The following TAFA5 variants were observed in gnomAD, a reference collection of about 807,000 sequenced individuals.
TAFA5 encodes TAFA chemokine like family member 5, also known as chemokine-like protein TAFA-5.
In TAFA5, 6 loss-of-function variants were observed where a neutral mutation model predicts 15.3. The observed-to-expected ratio is 0.39, with a 90% CI of 0.21 to 0.77. The LOEUF is 0.77. Among genes scored for constraint, TAFA5 ranks in the 30% least tolerant of loss-of-function variants. The probability of loss-of-function intolerance (pLI) is 0.41; values close to 1 mark genes in which losing one functional copy is unlikely to be tolerated. For missense variants in TAFA5, 161 were observed against 193.1 expected (o/e 0.83, Z 0.98); for synonymous variants, 103 against 80.7 (o/e 1.28, Z -1.48).
intron 1 of TAFA5, among the ~76,000 whole-genome samples, chr22:48,584,740 G>A (rs138904962): frequency 0.26 from 35,026 of 136,106 alleles, 4,052 homozygotes; most frequent in East Asian, 0.35. Context: ...CCATATACAC[G>A]CACCCTCCAC....
Position 48,623,098 on chromosome 22 carries a change from G to A in TAFA5, c.113-23499G>A, listed in dbSNP as rs532252314. On this transcript the variant is annotated intron_variant, in intron 1 of 3. Transcript: ENST00000402357. The stretch of plus-strand genomic sequence containing the variant: ...GCAGCAATGTGTTCTGTGGGCTGCA[G>A]GGGGTGGCGGCGGTGAGCACAAACT... Among the ~76,000 whole-genome samples, 6 of 152,390 alleles carry A rather than the reference G, an allele frequency of 3.9e-5. No individual in the cohort carries two copies. In the East Asian group the frequency reaches 9.7e-4, roughly 25 times the overall value.
chr22:48,648,779 G>T (rs1293563651), intron 2 of TAFA5, among the ~76,000 whole-genome samples: 1 of 152,132 alleles, frequency 6.6e-6, no homozygotes, highest in African/African-American at 2.4e-5. Context: ...AGTGAGCCGA[G>T]ATCACGCCAC....
At position 48,494,785 on chromosome 22, in the gene TAFA5, G is replaced by T. The variant is rs58674251; in HGVS notation, c.112+5081G>T. ...CGGCAGCAGCACAAGCTGCCTCGGT[G>T]CTGGGCTTTCCAGAAGCGGGCCTGG... On this transcript the variant is annotated intron_variant, in intron 1 of 3. Transcript: ENST00000402357. Among the ~76,000 whole-genome samples, 827 of 152,358 alleles carry T rather than the reference G, an allele frequency of 5.4e-3. 7 individuals are homozygous for T. The highest frequency in any genetic ancestry group is 0.019 in the African/African-American group (798 of 41,578).
chr22:48,687,352 TGATG>T (rs1388921845), intron 2 of TAFA5, among the ~76,000 whole-genome samples: 17 of 148,472 alleles, frequency 1.1e-4, no homozygotes, highest in Admixed American at 1.1e-3. Flanking sequence ...GATTAGTGGG[TGATG>T]GATGGATGGT....
chr22:48,502,242 G>C (rs898644462), intron 1 of TAFA5, among the ~76,000 whole-genome samples: 3 of 152,172 alleles, frequency 2.0e-5, no homozygotes, highest in Admixed American at 6.5e-5. Context: ...TTGGAGCTTT[G>C]TTGAGGCCGA....
intron 2 of TAFA5, among the ~76,000 whole-genome samples, chr22:48,669,953 T>C (rs5771927): frequency 0.46 from 68,326 of 148,894 alleles, 16,311 homozygotes; most frequent in East Asian, 0.62. Flanking sequence ...AATTGAAAAT[T>C]AAACAAACTG....
intron 2 of TAFA5, among the ~76,000 whole-genome samples, chr22:48,685,955 C>T (rs548441869): frequency 4.0e-4 from 53 of 133,512 alleles, no homozygotes; most frequent in African/African-American, 1.4e-3. Flanking sequence ...GCCCCACGTG[C>T]GCCCCGGGAG....
chr22:48,496,390 C>G (rs1017527009), intron 1 of TAFA5, among the ~76,000 whole-genome samples: 1 of 151,916 alleles, frequency 6.6e-6, no homozygotes, highest in Non-Finnish European at 1.5e-5. Flanking sequence ...TGGACAGATG[C>G]TTTTGGTCAC....
intron 1 of TAFA5, among the ~76,000 whole-genome samples, chr22:48,513,619 G>A (rs1257431905): frequency 1.3e-5 from 2 of 152,248 alleles, no homozygotes; most frequent in Non-Finnish European, 2.9e-5. Context: ...AAGAGAAGCT[G>A]AGCACCTGGG....
chr22:48,593,016 CG>C (rs1221047943), intron 1 of TAFA5, among the ~76,000 whole-genome samples: 2 of 151,516 alleles, frequency 1.3e-5, no homozygotes, highest in Admixed American at 6.6e-5. Flanking sequence ...CTGAGTGGGG[CG>C]GGGGGGTCTG....
At chr22:48,669,655 C>T (rs1300309336) in intron 2 of TAFA5, among the ~76,000 whole-genome samples, 1 of 152,244 alleles carries the variant, frequency 6.6e-6, no homozygotes, top group Non-Finnish European at 1.5e-5. Flanking sequence ...CATAGCCTTT[C>T]CTCCCTGAGC....
chr22:48,602,586 C>T (rs552003928), intron 1 of TAFA5, among the ~76,000 whole-genome samples: 16 of 152,292 alleles, frequency 1.1e-4, no homozygotes, highest in Non-Finnish European at 2.1e-4. Flanking sequence ...GTGGACTCCC[C>T]GTTTTCTGCG....
At chr22:48,710,818 G>T (rs542719330) in intron 3 of TAFA5, among the ~76,000 whole-genome samples, 2 of 152,218 alleles carry the variant, frequency 1.3e-5, no homozygotes, top group South Asian at 4.1e-4. Flanking sequence ...GATGGCTGCA[G>T]ACTCCCTTTC....
chr22:48,740,038 G>T (rs937150043), intron 3 of TAFA5, among the ~76,000 whole-genome samples: 5 of 152,152 alleles, frequency 3.3e-5, no homozygotes, highest in Non-Finnish European at 7.4e-5. Context: ...AACCCACCAA[G>T]TGCCCATCCT....
At position 48,489,557 on chromosome 22, in the gene TAFA5, C is replaced by G. The variant is rs1184292007; in HGVS notation, c.-36C>G. The G allele has an allele frequency of 7.9e-7, 1 of 1,263,166 alleles. No homozygotes were observed. Among genetic ancestry groups the G allele is most frequent in the Non-Finnish European group, 1.0e-6 (1 of 963,178 alleles). 78.2% of individuals were successfully genotyped at this position (1,263,166 alleles called of 1,614,324 possible). On this transcript the variant is annotated 5_prime_UTR_variant, in exon 1 of 4. Transcript: ENST00000402357. The surrounding 1 kb of genome is among the most constrained non-coding windows in gnomAD (Gnocchi z 5.5). ...GCGCGGGCAGGGCCGGCTGCTGAGA[C>G]GCGCTGCTGCCCCCCGCGCGGGCGC... is the stretch of plus-strand genomic sequence containing the variant.
intron 2 of TAFA5, among the ~76,000 whole-genome samples, chr22:48,691,810 G>A (rs1047029682): frequency 3.3e-5 from 5 of 152,226 alleles, no homozygotes; most frequent in Admixed American, 6.5e-5. Context: ...GTGGGATGGC[G>A]AGGTGCTGCC....
intron 3 of TAFA5, among the ~76,000 whole-genome samples, chr22:48,724,956 A>T (rs547804557): frequency 3.3e-5 from 5 of 152,330 alleles, no homozygotes; most frequent in African/African-American, 9.6e-5. Context: ...TCTTAGCTAG[A>T]GTAGGAGTAA....
At chr22:48,542,685 T>G (rs1922498000) in intron 1 of TAFA5, among the ~76,000 whole-genome samples, 1 of 121,958 alleles carries the variant, frequency 8.2e-6, no homozygotes, top group Non-Finnish European at 1.7e-5. Context: ...GTTTGTGTGG[T>G]GTATGTGTGG....
intron 1 of TAFA5, among the ~76,000 whole-genome samples, chr22:48,596,160 TA>T (rs995218862): frequency 6.6e-6 from 1 of 152,282 alleles, no homozygotes; most frequent in African/African-American, 2.4e-5. Context: ...ATTTTTCATT[TA>T]ATTAAAACAA....
Sources: gnomAD v4.1 joint callset for allele counts (sites outside exome capture counted in the v4.1 genomes callset) on GRCh38, gnomAD v4.1.1 for gene constraint, Gnocchi (gnomAD v3.1) non-coding constraint, MANE v1.5 for transcripts, NCBI Gene and HGNC (gene_info 2026-07-23, HGNC 2026-07-21) for gene names.